Variants in BIRC6 observed in about 807,000 individuals in gnomAD.
The protein encoded by BIRC6 is baculoviral IAP repeat containing 6, also known as dual E2 ubiquitin-conjugating enzyme/E3 ubiquitin-protein ligase BIRC6.
BIRC6 carries 98 observed loss-of-function variants against 503.3 expected under a neutral mutation model. That is an observed-to-expected ratio of 0.19 (90% confidence interval 0.17 to 0.23). The LOEUF (loss-of-function observed/expected upper bound fraction) is 0.23. Among genes scored for constraint, BIRC6 ranks in the 10% least tolerant of loss-of-function variants. BIRC6 has a pLI of 1.00. For missense variants in BIRC6, 5,360 were observed against 5,806.0 expected (o/e 0.92, Z 2.50); for synonymous variants, 2,240 against 2,078.7 (o/e 1.08, Z -2.11).
At chr2:32,553,949 T>A (rs1048166840) in intron 65 of BIRC6, among the ~76,000 whole-genome samples, 4 of 152,228 alleles carry the variant, frequency 2.6e-5, no homozygotes, top group Non-Finnish European at 5.9e-5. Context: ...CTTCCACTTT[T>A]CATAAGAAAT....
chr2:32,361,342 C>CT (rs970373721), intron 1 of BIRC6, among the ~76,000 whole-genome samples: 10 of 151,572 alleles, frequency 6.6e-5, no homozygotes, highest in South Asian at 4.2e-4. Flanking sequence ...CATTCCTTGA[C>CT]TTTTTTTTTG....
At position 32,479,476 on chromosome 2, in the gene BIRC6, C is replaced by T. The variant is rs775716983; in HGVS notation, c.7267C>T (p.Pro2423Ser). 50 of 1,600,034 alleles carry T rather than the reference C, an allele frequency of 3.1e-5. No homozygotes were observed. Among genetic ancestry groups the T allele is most frequent in the Middle Eastern group, 3.3e-4 (2 of 6,060 alleles). ...QDILAGELLA[P>S]VAAEAMEEGT... Reference sequence around the variant, plus strand: ...CTTACATACAGGAGAATTACTGGCTCCAGTAGCCGCAGAAGCCATGGAGGA... The same window carrying T: ...CTTACATACAGGAGAATTACTGGCTTCAGTAGCCGCAGAAGCCATGGAGGA... Residue 2423 changes from proline (P) to serine (S), a missense_variant, in exon 37 of 74, where the codon CCA (proline) becomes TCA (serine). Transcript: ENST00000421745.
intron 10 of BIRC6, among the ~76,000 whole-genome samples, chr2:32,416,849 T>A (rs1015996705): frequency 6.8e-6 from 1 of 147,848 alleles, no homozygotes; most frequent in Non-Finnish European, 1.5e-5. Context: ...TTTCCTTTTA[T>A]TTTTGAGAGG....
intron 60 of BIRC6, among the ~76,000 whole-genome samples, chr2:32,530,304 G>A (rs1250832661): frequency 1.3e-5 from 2 of 151,994 alleles, no homozygotes; most frequent in Non-Finnish European, 2.9e-5. Context: ...TCCGCCTCCC[G>A]AGTTCAAGTG....
Position 32,485,667 on chromosome 2 carries a change from G to A in BIRC6, c.7721G>A (p.Gly2574Glu). 6.2e-7 allele frequency: 1 copy of A among 1,613,338 alleles called. No homozygotes were observed. Among genetic ancestry groups the A allele is most frequent in the Non-Finnish European group, 8.5e-7 (1 of 1,179,490 alleles). Residue 2574 changes from glycine (G) to glutamate (E), a missense_variant, in exon 40 of 74, where the codon GGA becomes GAA. Coordinates refer to ENST00000421745, the MANE Select transcript of BIRC6 (RefSeq NM_016252.4). The part of the protein sequence containing the change: ...SQALDARLEV[G>E]LEQQAELMLK... ...GCCCTGGATGCTCGCCTAGAAGTTG[G>A]ACTTGAACAGCAAGCAGAACTGATG...
intron 48 of BIRC6, 55 bp downstream of exon 48, chr2:32,502,946 A>G (rs1572661170): frequency 1.3e-6 from 2 of 1,538,160 alleles, no homozygotes; most frequent in Non-Finnish European, 1.8e-6. Flanking sequence ...ATAGTATGTT[A>G]CATTTTCATT....
chr2:32,388,960 C>T lies in BIRC6; in HGVS notation c.839+17C>T. ...TGTAGACAGGTATGAACCTTGCTAACAAAGGTGACAGTGAGATAGAATTGA... is the reference window on the plus strand; with the variant it reads ...TGTAGACAGGTATGAACCTTGCTAATAAAGGTGACAGTGAGATAGAATTGA... On this transcript the variant is annotated intron_variant, in intron 4 of 73. Transcript: ENST00000421745. The T allele has an allele frequency of 7.2e-7, 1 of 1,382,980 alleles. No homozygotes were observed. The highest frequency in any genetic ancestry group is 9.5e-7 in the Non-Finnish European group (1 of 1,051,902). The allele number at this position is 1,382,980 out of a possible 1,614,324, so 85.7% of individuals were successfully genotyped here. A position where few individuals can be genotyped will look rare whatever the true frequency, so the allele number is the denominator to read the frequency against.
intron 72 of BIRC6, among the ~76,000 whole-genome samples, chr2:32,610,092 T>TA (rs2062761382): frequency 6.6e-6 from 1 of 152,222 alleles, no homozygotes; most frequent in Non-Finnish European, 1.5e-5. Flanking sequence ...AGCTGTGTCA[T>TA]ACTTACTTCT....
chr2:32,500,338 A>C (rs985042433), intron 46 of BIRC6, among the ~76,000 whole-genome samples: 1 of 151,824 alleles, frequency 6.6e-6, no homozygotes, highest in Non-Finnish European at 1.5e-5. Flanking sequence ...TTTTATTGAG[A>C]TGCCTCCCAG....
intron 57 of BIRC6, 92 bp from the exon 58 acceptor site, chr2:32,524,796 A>G (rs993986460): frequency 5.7e-5 from 54 of 954,658 alleles, no homozygotes; most frequent in Admixed American, 7.9e-5. Context: ...TAAGGATAAT[A>G]TTATCTTGCA....
At chr2:32,396,713 C>T (rs2039933557) in intron 6 of BIRC6, among the ~76,000 whole-genome samples, 1 of 152,050 alleles carries the variant, frequency 6.6e-6, no homozygotes, top group African/African-American at 2.4e-5. Context: ...ATAACAATAA[C>T]TAATAAAATT....
At chr2:32,504,668 AAAATAAAT>A (rs897772872) in intron 49 of BIRC6, among the ~76,000 whole-genome samples, 15 of 151,984 alleles carry the variant, frequency 9.9e-5, no homozygotes, top group African/African-American at 3.1e-4. Flanking sequence ...CTCCATCTGA[AAAATAAAT>A]AAATAAATAA....
intron 73 of BIRC6, among the ~76,000 whole-genome samples, chr2:32,616,347 T>G (rs750317528): frequency 6.3e-4 from 95 of 151,294 alleles, no homozygotes; most frequent in African/African-American, 2.2e-3. Flanking sequence ...TGCTTGAGAT[T>G]AGGAGTTCGA....
chr2:32,479,499 G>A lies in BIRC6; in HGVS notation c.7290G>A (p.Glu2430=). Residue 2430 remains glutamate (E), a synonymous_variant, in exon 37 of 74, where the codon GAG becomes GAA. Transcript: ENST00000421745. ...LLAPVAAEAM[E]EGTVGDDVGA... is the part of the protein sequence containing the mutation. ...CTCCAGTAGCCGCAGAAGCCATGGA[G>A]GAAGGAACAGTGGGTGATGATGTAG... is the stretch of plus-strand genomic sequence containing the variant. 1 of 1,604,744 alleles carries A rather than the reference G, an allele frequency of 6.2e-7. No individual in the cohort carries two copies. Among genetic ancestry groups the A allele is most frequent in the Non-Finnish European group, 8.5e-7 (1 of 1,175,300 alleles).
chr2:32,381,457 G>C (rs114423867), intron 3 of BIRC6, among the ~76,000 whole-genome samples: 4,762 of 151,298 alleles, frequency 0.031, 160 homozygotes, highest in African/African-American at 0.087. Context: ...TCAGGCAGGT[G>C]GCGAACTCCC....
intron 1 of BIRC6, among the ~76,000 whole-genome samples, chr2:32,372,090 G>C (rs963863805): frequency 2.0e-5 from 3 of 152,090 alleles, no homozygotes; most frequent in African/African-American, 7.2e-5. Context: ...CAGGTGTGAA[G>C]GCATTGCGCT....
chr2:32,386,657 C>G (rs1299829527), intron 3 of BIRC6, among the ~76,000 whole-genome samples: 1 of 152,078 alleles, frequency 6.6e-6, no homozygotes, highest in East Asian at 1.9e-4. Context: ...CCAGGATGGT[C>G]TCAGACGTTT....
At chr2:32,510,117 C>A in intron 52 of BIRC6, 123 bp downstream of exon 52, 1 of 1,136,890 alleles carries the variant, frequency 8.8e-7, no homozygotes, top group Non-Finnish European at 1.2e-6. Context: ...ATGTTTATCT[C>A]TCCTCTCTTC....
At position 32,448,837 on chromosome 2, in the gene BIRC6, T is replaced by C. The variant is rs1347556757; in HGVS notation, c.4527T>C (p.Asp1509=). The change falls in exon 22 of 74, where the codon GAT becomes GAC. Residue 1509 remains aspartate, a synonymous_variant. Transcript: ENST00000421745. ...CACCATTTGATCCAGTCCTCTTTGATTTGGAGATGAGTGGCTCTTCTTGTA... is the reference window on the plus strand; with the variant it reads ...CACCATTTGATCCAGTCCTCTTTGACTTGGAGATGAGTGGCTCTTCTTGTA... ...YSSPFDPVLF[D]LEMSGSSCKN... 2 of 1,613,306 alleles carry C rather than the reference T, an allele frequency of 1.2e-6. No individual in the cohort carries two copies. Among genetic ancestry groups the C allele is most frequent in the Admixed American group, 3.3e-5 (2 of 59,968 alleles).
Sources: gnomAD v4.1 joint callset for allele counts (sites outside exome capture counted in the v4.1 genomes callset) on GRCh38, gnomAD v4.1.1 for gene constraint, MANE v1.5 for transcripts, NCBI Gene and HGNC (gene_info 2026-07-23, HGNC 2026-07-21) for gene names.